The following KCNH7 variants were observed in gnomAD, a reference collection of about 807,000 sequenced individuals.
KCNH7 encodes the protein potassium voltage-gated channel subfamily H member 7.
Under a neutral mutation model 120.8 loss-of-function variants are expected in KCNH7, and 49 were observed. That is an observed-to-expected ratio of 0.41 (90% CI 0.32 to 0.51). The LOEUF (loss-of-function observed/expected upper bound fraction) is 0.51, where lower values mean the gene tolerates loss of function less well. Ranked by LOEUF, KCNH7 falls within the 20% of genes least tolerant of loss-of-function variation. KCNH7 has a pLI of 0.38. For missense variants in KCNH7, 1,097 were observed against 1,446.6 expected, an observed-to-expected ratio of 0.76 and a Z score of 3.92; for synonymous variants, 547 against 516.1, an observed-to-expected ratio of 1.06 and a Z score of -0.81.
chr2:162,386,511 CCA>C (rs1348482577), intron 12 of KCNH7, among the ~76,000 whole-genome samples: 1 of 151,796 alleles, frequency 6.6e-6, no homozygotes, highest in Non-Finnish European at 1.5e-5. Flanking sequence ...GTGAATTGCA[CCA>C]GTTTGCTCTT....
At chr2:162,575,161 C>T (rs968556280) in intron 2 of KCNH7, among the ~76,000 whole-genome samples, 4 of 152,018 alleles carry the variant, frequency 2.6e-5, no homozygotes, top group Admixed American at 2.6e-4. Flanking sequence ...GGGAATTTGA[C>T]CATGCATGGG....
intron 14 of KCNH7, among the ~76,000 whole-genome samples, chr2:162,379,564 T>C (rs990666483): frequency 6.6e-6 from 1 of 152,096 alleles, no homozygotes; most frequent in African/African-American, 2.4e-5. Context: ...AATTAGGAAT[T>C]ATTTTGAGGG....
intron 2 of KCNH7, among the ~76,000 whole-genome samples, chr2:162,580,327 C>G (rs1345748724): frequency 6.6e-6 from 1 of 151,970 alleles, no homozygotes; most frequent in Non-Finnish European, 1.5e-5. Context: ...CAGTACATAT[C>G]CTTCAGGAAG....
intron 2 of KCNH7, among the ~76,000 whole-genome samples, chr2:162,722,146 C>G (rs76268516): frequency 1.3e-5 from 2 of 151,908 alleles, no homozygotes; most frequent in Middle Eastern, 3.4e-3. Flanking sequence ...ACACTTTTTA[C>G]TAAACGAACC....
At chr2:162,804,446 G>A (rs1158172710) in intron 2 of KCNH7, among the ~76,000 whole-genome samples, 1 of 151,822 alleles carries the variant, frequency 6.6e-6, no homozygotes, top group South Asian at 2.1e-4. Flanking sequence ...ACCAAGCTGA[G>A]AATCAAATGA....
chr2:162,793,177 T>A (rs914546202), intron 2 of KCNH7, among the ~76,000 whole-genome samples: 3 of 152,148 alleles, frequency 2.0e-5, no homozygotes, highest in Admixed American at 2.0e-4. Context: ...GCCATTATCC[T>A]TAGCAAACTA....
chr2:162,706,930 G>A (rs779853720), intron 2 of KCNH7, among the ~76,000 whole-genome samples: 11 of 152,084 alleles, frequency 7.2e-5, no homozygotes, highest in Admixed American at 5.3e-4. Context: ...CAATTGGAGC[G>A]GGGAGCTTTC....
At position 162,838,702 on chromosome 2, in the gene KCNH7, T is replaced by A. The variant is rs1247048477; in HGVS notation, c.-184A>T. 5 of 403,090 alleles carry A rather than the reference T, an allele frequency of 1.2e-5. No homozygotes were observed. The highest frequency in any genetic ancestry group is 2.3e-5 in the Non-Finnish European group (5 of 222,062). 25.0% of individuals were successfully genotyped at this position (403,090 alleles called of 1,614,324 possible). On this transcript the variant is annotated 5_prime_UTR_variant, in exon 1 of 16. Transcript: ENST00000332142. ...ACCCGCTTTCCCCACCGGAGTCCAA[T>A]CCATTCCCCTCACCTTCCGGAGGGG...
At chr2:162,733,046 A>G (rs1020318750) in intron 2 of KCNH7, among the ~76,000 whole-genome samples, 2 of 152,198 alleles carry the variant, frequency 1.3e-5, no homozygotes, top group African/African-American at 4.8e-5. Context: ...TTCCTTTCAG[A>G]CCTGATATAA....
chr2:162,598,084 A>G (rs912192062), intron 2 of KCNH7, among the ~76,000 whole-genome samples: 2 of 151,718 alleles, frequency 1.3e-5, no homozygotes, highest in African/African-American at 4.8e-5. Flanking sequence ...TTTTTTCCCC[A>G]CCTTAGAGAT....
intron 6 of KCNH7, among the ~76,000 whole-genome samples, chr2:162,463,983 T>C (rs1195425319): frequency 1.3e-5 from 2 of 152,004 alleles, no homozygotes; most frequent in Non-Finnish European, 2.9e-5. Context: ...GATTCTATCA[T>C]AGTCAAGAAA....
intron 3 of KCNH7, among the ~76,000 whole-genome samples, chr2:162,532,854 C>T (rs919154468): frequency 2.0e-5 from 3 of 151,892 alleles, no homozygotes; most frequent in Non-Finnish European, 2.9e-5. Context: ...GAGTACCTTA[C>T]TGGTAACAGA....
chr2:162,447,741 G>A (rs182588619), intron 6 of KCNH7, among the ~76,000 whole-genome samples: 7 of 151,936 alleles, frequency 4.6e-5, no homozygotes, highest in Non-Finnish European at 7.4e-5. Context: ...ATTATGTCAC[G>A]TGTACTTGAA....
chr2:162,628,386 C>G (rs1288241174), intron 2 of KCNH7, among the ~76,000 whole-genome samples: 1 of 152,080 alleles, frequency 6.6e-6, no homozygotes, highest in Non-Finnish European at 1.5e-5. Context: ...CCCATCCTTT[C>G]CACACTGTCT....
chr2:162,789,280 A>T (rs900121087), intron 2 of KCNH7, among the ~76,000 whole-genome samples: 1 of 152,066 alleles, frequency 6.6e-6, no homozygotes, highest in Non-Finnish European at 1.5e-5. Flanking sequence ...AAGTTAAAAG[A>T]CAAGACTATT....
intron 7 of KCNH7, among the ~76,000 whole-genome samples, chr2:162,436,517 C>T (rs1688243722): frequency 1.3e-5 from 2 of 152,058 alleles, no homozygotes; most frequent in Admixed American, 6.6e-5. Context: ...GTTGTTTGGA[C>T]TTCAAATCTG....
intron 4 of KCNH7, among the ~76,000 whole-genome samples, chr2:162,517,136 G>A (rs764568957): frequency 2.0e-5 from 3 of 151,760 alleles, no homozygotes; most frequent in Admixed American, 2.0e-4. Context: ...TGAACATAAT[G>A]TTCAAAGAGG....
chr2:162,510,529 C>T (rs1209080900), intron 5 of KCNH7, among the ~76,000 whole-genome samples: 2 of 151,456 alleles, frequency 1.3e-5, no homozygotes, highest in Non-Finnish European at 3.0e-5. Flanking sequence ...TTAGCCAATA[C>T]CTCACCTGAC....
At chr2:162,583,531 C>T (rs1693942509) in intron 2 of KCNH7, among the ~76,000 whole-genome samples, 1 of 151,958 alleles carries the variant, frequency 6.6e-6, no homozygotes, top group African/African-American at 2.4e-5. Flanking sequence ...ACGACTAATA[C>T]ATCTATTTTT....
Sources: allele counts gnomAD v4.1 joint callset (sites outside exome capture counted in the v4.1 genomes callset), GRCh38; gene constraint gnomAD v4.1.1; transcripts MANE v1.5; gene names NCBI Gene and HGNC (gene_info 2026-07-23, HGNC 2026-07-21).